MACF1: variants seen among roughly 807,000 people sequenced by gnomAD.
MACF1 encodes the protein microtubule-actin cross-linking factor 1.
MACF1 carries 193 observed loss-of-function variants against 854.8 expected under a neutral mutation model. That is an observed-to-expected ratio of 0.23 (90% confidence interval 0.20 to 0.25). The LOEUF is 0.25. MACF1 is among the 10% of genes least tolerant of loss of function. The pLI is 1.00. For missense variants in MACF1, 7,722 were observed against 8,929.1 expected (o/e 0.86, Z 5.45); for synonymous variants, 3,185 against 3,226.7 (o/e 0.99, Z 0.44).
At chr1:39,212,710 C>A (rs1350323216) in intron 1 of MACF1, among the ~76,000 whole-genome samples, 2 of 152,212 alleles carry the variant, frequency 1.3e-5, no homozygotes, top group Non-Finnish European at 2.9e-5. Context: ...GCAACCTCTG[C>A]CTCTGGAGTT....
At chr1:39,362,319 G>A (rs1252275392) in intron 49 of MACF1, among the ~76,000 whole-genome samples, 1 of 152,106 alleles carries the variant, frequency 6.6e-6, no homozygotes, top group African/African-American at 2.4e-5. Context: ...GCTTTATCCA[G>A]CTTTCTAACT....
chr1:39,382,365 A>C (rs1305064185), intron 56 of MACF1, among the ~76,000 whole-genome samples: 1 of 152,076 alleles, frequency 6.6e-6, no homozygotes, highest in Non-Finnish European at 1.5e-5. Context: ...CAGTAAGATG[A>C]GTAGATATGA....
At chr1:39,364,323 T>C (rs1648482256) in intron 49 of MACF1, among the ~76,000 whole-genome samples, 1 of 152,124 alleles carries the variant, frequency 6.6e-6, no homozygotes, top group African/African-American at 2.4e-5. Context: ...TCTGTTCATG[T>C]ATTTTGTCAT....
intron 2 of MACF1, among the ~76,000 whole-genome samples, chr1:39,117,133 A>G (rs1642568145): frequency 6.6e-6 from 1 of 152,180 alleles, no homozygotes; most frequent in South Asian, 2.1e-4. Context: ...AACAGGTTCA[A>G]TATAACCACC....
intron 2 of MACF1, among the ~76,000 whole-genome samples, chr1:39,129,814 G>A (rs762155461): frequency 2.6e-5 from 4 of 152,078 alleles, no homozygotes; most frequent in Non-Finnish European, 4.4e-5. Flanking sequence ...CATCTCTGAG[G>A]TTCACATATG....
At chr1:39,325,195 T>C (rs945866658) in intron 35 of MACF1, among the ~76,000 whole-genome samples, 5 of 152,356 alleles carry the variant, frequency 3.3e-5, no homozygotes, top group African/African-American at 4.8e-5. Context: ...AAAGGGCTTT[T>C]TGGGGCTTCT....
intron 93 of MACF1, among the ~76,000 whole-genome samples, chr1:39,462,983 C>T (rs943641200): frequency 7.2e-5 from 11 of 152,104 alleles, no homozygotes; most frequent in Admixed American, 3.9e-4. Context: ...TCATAATTTG[C>T]TTTATTAATA....
chr1:39,429,169 C>T, intron 63 of MACF1, 73 bp from the exon 64 acceptor site: 1 of 745,016 alleles, frequency 1.3e-6, no homozygotes, highest in Non-Finnish European at 2.3e-6. Context: ...TAAATTTGAT[C>T]TCTTAAAGGT....
chr1:39,477,070 T>TACACAC (rs1224707870), intron 97 of MACF1, among the ~76,000 whole-genome samples: 3 of 43,194 alleles, frequency 6.9e-5, no homozygotes, highest in Non-Finnish European at 1.1e-4. Flanking sequence ...TATATATATA[T>TACACAC]ATATATATAT....
chr1:39,481,453 G>A (rs1380891210), intron 99 of MACF1, among the ~76,000 whole-genome samples: 3 of 152,166 alleles, frequency 2.0e-5, no homozygotes, highest in Admixed American at 6.5e-5. Flanking sequence ...AGTGGTTGGC[G>A]CCACCTGCCC....
At chr1:39,361,230 G>GT in intron 48 of MACF1, 130 bp from the exon 49 acceptor site, 1 of 909,402 alleles carries the variant, frequency 1.1e-6, no homozygotes, top group Non-Finnish European at 1.7e-6. Context: ...GTGATGAGAT[G>GT]TGTGGTATTC....
rs138795980 is a variant in MACF1 at position 39,326,418 on chromosome 1, C to T, written c.4479-800C>T. 1.9e-3 allele frequency among the ~76,000 whole-genome samples: 283 copies of T among 152,242 alleles called. 2 individuals are homozygous for T. Among genetic ancestry groups the T allele is most frequent in the African/African-American group, 6.4e-3 (267 of 41,558 alleles). ...TAAAGCGGCCAGGTGCGGTGGCTCA[C>T]GCCTATAATCCCAGTACTTTGGGAG... On this transcript the variant is annotated intron_variant, in intron 35 of 100. Transcript: ENST00000564288.
chr1:39,423,344 G>A lies in MACF1; in HGVS notation c.16149+444G>A, dbSNP rs372675256. On this transcript the variant is annotated intron_variant, in intron 60 of 100. Transcript: ENST00000564288. The stretch of plus-strand genomic sequence containing the variant: ...GGTATATAGTTGACAAATAAAAATT[G>A]TATATGTTTGGCTGGGTGTGGTGGT... 2.6e-4 allele frequency among the ~76,000 whole-genome samples: 39 copies of A among 152,092 alleles called. 2 individuals are homozygous for A. The highest frequency in any genetic ancestry group is 9.8e-4 in the Admixed American group (15 of 15,274).
chr1:39,477,209 A>T (rs1463688696), intron 97 of MACF1, among the ~76,000 whole-genome samples: 1 of 149,170 alleles, frequency 6.7e-6, no homozygotes, highest in African/African-American at 2.5e-5. Context: ...TTGGGTTGTG[A>T]GATTAAGCGA....
chr1:39,296,008 C>A, intron 20 of MACF1, 126 bp downstream of exon 20: 1 of 758,134 alleles, frequency 1.3e-6, no homozygotes, highest in East Asian at 3.0e-5. Flanking sequence ...TTGCTTAAAA[C>A]AATAGTCATT....
In MACF1 at chr1:39,084,240, A is replaced by G. The variant is rs1557441993; in HGVS notation, c.22A>G (p.Thr8Ala). The stretch of plus-strand genomic sequence containing the variant: ...GGCCATGTCTTCCTCAGATGAAGAG[A>G]CGCTCAGTGAGCGGTCATGTCGGAG... The change falls in exon 2 of 94, where the codon ACG (threonine) becomes GCG (alanine). Residue 8 changes from threonine to alanine, a missense_variant. By Grantham distance (58) the Thr-to-Ala change is moderately conservative (BLOSUM62 0). Coordinates refer to the MACF1 transcript ENST00000361689. The surrounding 1 kb of genome is among the most constrained non-coding windows in gnomAD (Gnocchi z 5.2). 1 of 1,611,594 alleles carries G rather than the reference A, an allele frequency of 6.2e-7. No homozygotes were observed. The highest frequency in any genetic ancestry group is 1.3e-5 in the African/African-American group (1 of 74,660).
chr1:39,481,196 G>A (rs1013724301), intron 99 of MACF1, among the ~76,000 whole-genome samples, 166 bp downstream of exon 99: 10 of 152,214 alleles, frequency 6.6e-5, no homozygotes, highest in Non-Finnish European at 1.0e-4. Context: ...TTTCTAACTC[G>A]GATTCACCAA....
At chr1:39,389,497 T>C (rs2148571831) in intron 58 of MACF1, among the ~76,000 whole-genome samples, 1 of 151,458 alleles carries the variant, frequency 6.6e-6, no homozygotes, top group Non-Finnish European at 1.5e-5. Context: ...GTAGCTGGGG[T>C]TACAGTCGCT....
At chr1:39,416,678 C>G (rs1643326014) in intron 58 of MACF1, among the ~76,000 whole-genome samples, 1 of 152,172 alleles carries the variant, frequency 6.6e-6, no homozygotes, top group African/African-American at 2.4e-5. Context: ...TACATAATCT[C>G]TAACTATCCT....
Sources: gnomAD v4.1 joint callset for allele counts (sites outside exome capture counted in the v4.1 genomes callset) on GRCh38, gnomAD v4.1.1 for gene constraint, Gnocchi (gnomAD v3.1) non-coding constraint, MANE v1.5 for transcripts, NCBI Gene and HGNC (gene_info 2026-07-23, HGNC 2026-07-21) for gene names.